The following SPAG16 variants were observed in gnomAD, a reference collection of about 807,000 sequenced individuals.
SPAG16 encodes the protein sperm-associated antigen 16 protein.
In SPAG16, 86 loss-of-function variants were observed where a neutral mutation model predicts 80.4. That is an observed-to-expected ratio of 1.07 (90% CI 0.90 to 1.28). The LOEUF (loss-of-function observed/expected upper bound fraction) is 1.28. Ranked by LOEUF, SPAG16 falls within the 50% of genes most tolerant of loss-of-function variation. The pLI, the probability that SPAG16 is intolerant of heterozygous loss-of-function variation, is 0.00. For missense variants in SPAG16, 870 were observed against 765.3 expected, an observed-to-expected ratio of 1.14 and a Z score of -1.61; for synonymous variants, 294 against 265.9, an observed-to-expected ratio of 1.11 and a Z score of -1.03.
At chr2:213,362,160 A>G (rs1156504224) in intron 7 of SPAG16, among the ~76,000 whole-genome samples, 3 of 152,224 alleles carry the variant, frequency 2.0e-5, no homozygotes, top group Non-Finnish European at 4.4e-5. Context: ...GTTCCTCATT[A>G]TAGGAATCCA....
At chr2:214,117,966 A>G (rs62197900) in intron 14 of SPAG16, among the ~76,000 whole-genome samples, 33,824 of 152,084 alleles carry the variant, frequency 0.22, 4,207 homozygotes, top group Non-Finnish European at 0.28. Flanking sequence ...TATCTTTACT[A>G]TTTCTGTTCA....
intron 15 of SPAG16, among the ~76,000 whole-genome samples, chr2:214,204,532 C>T (rs2058090978): frequency 6.6e-6 from 1 of 152,148 alleles, no homozygotes; most frequent in Non-Finnish European, 1.5e-5. Flanking sequence ...CTGTATGAGC[C>T]CAGAGACTGG....
chr2:213,777,506 A>C (rs2069674592), intron 10 of SPAG16, among the ~76,000 whole-genome samples: 1 of 151,798 alleles, frequency 6.6e-6, no homozygotes, highest in African/African-American at 2.4e-5. Context: ...TCCCGGGTTC[A>C]CGCCATTCTC....
At chr2:213,881,653 C>T (rs1217667863) in intron 11 of SPAG16, among the ~76,000 whole-genome samples, 4 of 152,180 alleles carry the variant, frequency 2.6e-5, no homozygotes, top group East Asian at 1.9e-4. Context: ...GGGGGAACAA[C>T]CCCTTATAAA....
intron 9 of SPAG16, among the ~76,000 whole-genome samples, chr2:213,391,578 G>A (rs1180279506): frequency 1.3e-5 from 2 of 152,070 alleles, no homozygotes; most frequent in African/African-American, 2.4e-5. Context: ...TTTTTTGTTA[G>A]TATTCAATGA....
At chr2:214,381,139 G>A (rs894736146) in intron 15 of SPAG16, among the ~76,000 whole-genome samples, 6 of 152,188 alleles carry the variant, frequency 3.9e-5, no homozygotes, top group Non-Finnish European at 8.8e-5. Context: ...GTATTGATTA[G>A]CATGATTTTA....
At chr2:214,149,819 T>G (rs889010068) in intron 15 of SPAG16, among the ~76,000 whole-genome samples, 1 of 152,100 alleles carries the variant, frequency 6.6e-6, no homozygotes, top group African/African-American at 2.4e-5. Context: ...ATAAGTATTA[T>G]CAATTAGATA....
intron 9 of SPAG16, among the ~76,000 whole-genome samples, chr2:213,379,984 G>T (rs1217437117): frequency 6.6e-6 from 1 of 152,182 alleles, no homozygotes; most frequent in African/African-American, 2.4e-5. Context: ...TCATCAGTTG[G>T]TGAGCACTCA....
At chr2:214,108,477 A>ACACACACC (rs2053506947) in intron 14 of SPAG16, among the ~76,000 whole-genome samples, 2 of 64,480 alleles carry the variant, frequency 3.1e-5, no homozygotes, top group Non-Finnish European at 7.1e-5. Flanking sequence ...ACACACACAC[A>ACACACACC]CACCCCCACA....
At chr2:213,717,970 A>G (rs1039626174) in intron 10 of SPAG16, among the ~76,000 whole-genome samples, 5 of 152,134 alleles carry the variant, frequency 3.3e-5, no homozygotes, top group Admixed American at 2.0e-4. Flanking sequence ...ACGAAAAGCA[A>G]TGGCAACAAT....
intron 9 of SPAG16, among the ~76,000 whole-genome samples, chr2:213,439,796 G>A (rs1346438665): frequency 6.6e-6 from 1 of 152,084 alleles, no homozygotes; most frequent in Admixed American, 6.5e-5. Flanking sequence ...AGTGAATTTA[G>A]CAAAGTTACT....
chr2:213,311,959 C>G (rs2063204046), intron 4 of SPAG16, among the ~76,000 whole-genome samples: 1 of 151,404 alleles, frequency 6.6e-6, no homozygotes, highest in African/African-American at 2.4e-5. Context: ...GGTTCTTTCA[C>G]TCCTCAAGCA....
chr2:214,059,199 T>TATATAC (rs1487917561), intron 13 of SPAG16, among the ~76,000 whole-genome samples: 1 of 51,532 alleles, frequency 1.9e-5, no homozygotes, highest in Non-Finnish European at 4.0e-5. Flanking sequence ...TATATATATA[T>TATATAC]ATATATATAT....
intron 11 of SPAG16, among the ~76,000 whole-genome samples, chr2:213,926,761 A>G (rs1009881707): frequency 9.2e-5 from 14 of 152,102 alleles, no homozygotes; most frequent in African/African-American, 3.1e-4. Flanking sequence ...CCTTCAGGGT[A>G]TTTGTTAATT....
At chr2:213,956,602 G>A (rs527842615) in intron 12 of SPAG16, among the ~76,000 whole-genome samples, 3 of 150,226 alleles carry the variant, frequency 2.0e-5, no homozygotes, top group East Asian at 2.0e-4. Context: ...TGCATGCCAC[G>A]ACGCCTGGCT....
intron 9 of SPAG16, among the ~76,000 whole-genome samples, chr2:213,441,593 T>C (rs374837282): frequency 1.2e-4 from 18 of 152,324 alleles, no homozygotes; most frequent in South Asian, 1.0e-3. Context: ...TAAAAATGAA[T>C]TGAGCTGCAC....
intron 10 of SPAG16, among the ~76,000 whole-genome samples, chr2:213,597,766 GC>G (rs900016649): frequency 6.6e-6 from 1 of 151,834 alleles, no homozygotes; most frequent in Non-Finnish European, 1.5e-5. Context: ...TAAATCTTTT[GC>G]CCCCCCAAAA....
chr2:214,016,487 A>G (rs1018366413), intron 13 of SPAG16, among the ~76,000 whole-genome samples: 2 of 152,154 alleles, frequency 1.3e-5, no homozygotes, highest in African/African-American at 2.4e-5. Flanking sequence ...TTGGGTGGGG[A>G]ACAAAAAGCC....
At chr2:214,163,627 CATAT>C (rs745565184) in intron 15 of SPAG16, among the ~76,000 whole-genome samples, 1 of 109,436 alleles carries the variant, frequency 9.1e-6, no homozygotes, top group African/African-American at 2.9e-5. Flanking sequence ...CACATATATA[CATAT>C]ATATATAGAG....
Sources: gnomAD v4.1 joint callset for allele counts (sites outside exome capture counted in the v4.1 genomes callset) on GRCh38, gnomAD v4.1.1 for gene constraint, MANE v1.5 for transcripts, NCBI Gene and HGNC (gene_info 2026-07-23, HGNC 2026-07-21) for gene names.